Variants in KIF7 observed in about 807,000 individuals in gnomAD.
KIF7 encodes kinesin-like protein KIF7.
In KIF7, 104 loss-of-function variants were observed where a neutral mutation model predicts 135.7. The observed-to-expected ratio is 0.77, with a 90% CI of 0.65 to 0.90. The LOEUF is 0.90. Among genes scored for constraint, KIF7 ranks in the 40% least tolerant of loss-of-function variants. The probability of loss-of-function intolerance (pLI) is 0.00; values close to 1 mark genes in which losing one functional copy is unlikely to be tolerated. For missense variants in KIF7, 2,005 were observed against 1,839.1 expected (o/e 1.09, Z -1.65); for synonymous variants, 883 against 809.4 (o/e 1.09, Z -1.54).
intron 7 of KIF7, 74 bp from the exon 8 acceptor site, chr15:89,646,100 A>C (rs766815743): frequency 1.6e-4 from 253 of 1,568,040 alleles, no homozygotes; most frequent in Non-Finnish European, 2.1e-4. Flanking sequence ...CCCTCCTCAT[A>C]TCTCTCCCTC....
chr15:89,619,688 C>G, intron 1 of KIF7: 1 of 1,595,216 alleles, frequency 6.3e-7, no homozygotes, highest in South Asian at 1.2e-5. Flanking sequence ...TGGTTACTTA[C>G]TGTGGTTCTG....
At chr15:89,623,556 T>G, downstream of KIF7, 12 of 1,468,534 alleles carry the variant, frequency 8.2e-6, no homozygotes, top group Non-Finnish European at 1.1e-5. Context: ...TCTTAGAGAT[T>G]ACTAAAACAC....
At chr15:89,633,409 T>C in intron 12 of KIF7, 143 bp from the exon 13 acceptor site, 1 of 1,159,058 alleles carries the variant, frequency 8.6e-7, no homozygotes, top group Non-Finnish European at 1.2e-6. Context: ...CCCACACAAA[T>C]CTCCCTGGAG....
chr15:89,649,097 T>C lies in KIF7; in HGVS notation c.800A>G (p.Glu267Gly). The C allele has an allele frequency of 6.5e-7, 1 of 1,547,792 alleles. No individual in the cohort carries two copies. Among genetic ancestry groups the C allele is most frequent in the Non-Finnish European group, 8.7e-7 (1 of 1,146,758 alleles). Reference protein sequence around the residue: ...ERVLKTGSTGERLKESIQINS... With the variant: ...ERVLKTGSTGGRLKESIQINS... ...GATCTGGATGCTCTCCTTGAGCCGCTCGCCGGTGCTGCCCGTCTTGAGCAC... is the reference window on the plus strand; with the variant it reads ...GATCTGGATGCTCTCCTTGAGCCGCCCGCCGGTGCTGCCCGTCTTGAGCAC... The change falls in exon 4 of 19, where the codon GAG becomes GGG. Residue 267 changes from glutamate to glycine, a missense_variant. Coordinates refer to ENST00000394412, the MANE Select transcript of KIF7 (RefSeq NM_198525.3).
chr15:89,630,174 T>G (rs1214802453), intron 16 of KIF7, 113 bp downstream of exon 16: 2 of 1,003,882 alleles, frequency 2.0e-6, no homozygotes, highest in African/African-American at 3.2e-5. Context: ...TTGGTCCTGA[T>G]TCTGTCCCCC....
In KIF7 at chr15:89,633,264, C is replaced by T; in HGVS notation, c.2595G>A (p.Glu865=). Residue 865 remains glutamate (E), a splice_region_variant and synonymous_variant, in exon 13 of 19, where the codon GAG becomes GAA. Coordinates refer to ENST00000394412, the MANE Select transcript of KIF7 (RefSeq NM_198525.3). ...GCTGTTGCTCATGCTTCAGCTCCAG[C>T]TCCTGGGTGAGGAGCTCAGTGGGCA... is the stretch of plus-strand genomic sequence containing the variant. ...EMSKRQHRVK[E]LELKHEQQQK... 1 of 1,566,384 alleles carries T rather than the reference C, an allele frequency of 6.4e-7. No individual in the cohort carries two copies. The highest frequency in any genetic ancestry group is 8.6e-7 in the Non-Finnish European group (1 of 1,159,000).
At chr15:89,624,566 A>T, downstream of KIF7, 1 of 1,613,286 alleles carries the variant, frequency 6.2e-7, no homozygotes. Flanking sequence ...GCCCCCACAG[A>T]CTCTAGAGAT....
chr15:89,626,022 C>T, downstream of KIF7: 1 of 1,613,826 alleles, frequency 6.2e-7, no homozygotes, highest in East Asian at 2.2e-5. Flanking sequence ...GCTGCTGTTC[C>T]AGGGGAAAAC....
intron 1 of KIF7, among the ~76,000 whole-genome samples, chr15:89,621,801 T>G (rs1390594749): frequency 6.6e-6 from 1 of 152,130 alleles, no homozygotes; most frequent in African/African-American, 2.4e-5. Context: ...CTCTTGGCTT[T>G]GTCTACTGTT....
Position 89,629,866 on chromosome 15 carries a change from T to TC in KIF7, c.3319-294dup, listed in dbSNP as rs575932117. The TC allele has an allele frequency of 9.7e-4, 535 of 549,736 alleles. 7 individuals are homozygous for TC. In the South Asian group the frequency reaches 0.011, roughly 12 times the overall value. The allele number at this position is 549,736 out of a possible 1,614,324, so 34.1% of individuals were successfully genotyped here. A position where few individuals can be genotyped will look rare whatever the true frequency, so the allele number is the denominator to read the frequency against. ...TTGTGGGATTTCATCTAGACCAACC[T>TC]CAGCACTATGGACATCTGGGACCAG... is the stretch of plus-strand genomic sequence containing the variant. On this transcript the variant is annotated intron_variant, in intron 16 of 18. Transcript: ENST00000394412.
intron 1 of KIF7, among the ~76,000 whole-genome samples, chr15:89,620,943 C>G (rs1050867350): frequency 6.6e-6 from 1 of 151,346 alleles, no homozygotes; most frequent in Non-Finnish European, 1.5e-5. Context: ...AGGATAGTCT[C>G]GATCTCCGAC....
rs1439765788 is a variant in KIF7, at chr15:89,648,780, G to T, written c.924-6C>A. 2.8e-5 allele frequency: 43 copies of T among 1,529,880 alleles called. 1 individual carries two copies. The South Asian group carries it at 4.9e-4, about 17-fold the overall frequency. The allele number at this position is 1,529,880 out of a possible 1,614,324, so 94.8% of individuals were successfully genotyped here. A position where few individuals can be genotyped will look rare whatever the true frequency, so the allele number is the denominator to read the frequency against. On this transcript the variant is annotated splice_region_variant and splice_polypyrimidine_tract_variant and intron_variant, in intron 4 of 18. Coordinates refer to ENST00000394412, the MANE Select transcript of KIF7 (RefSeq NM_198525.3). ...CCAGCGAGTCTTTGAGGATCCTGAG[G>T]GCGCGAGGGGGAGGCTCTCAGGGGC... is the stretch of plus-strand genomic sequence containing the variant.
At chr15:89,619,953 G>A (rs1333602500) in intron 1 of KIF7, 1 of 1,316,492 alleles carries the variant, frequency 7.6e-7, no homozygotes. Context: ...TGGAGAAGTA[G>A]AATAGGTATG....
chr15:89,623,338 G>A (rs986907326), downstream of KIF7, among the ~76,000 whole-genome samples: 2 of 152,236 alleles, frequency 1.3e-5, no homozygotes, highest in African/African-American at 4.8e-5. Flanking sequence ...GTGGTAGAAT[G>A]ATTCCATTAG....
intron 1 of KIF7, among the ~76,000 whole-genome samples, chr15:89,621,001 G>A (rs1169137666): frequency 1.3e-5 from 2 of 151,364 alleles, no homozygotes; most frequent in African/African-American, 2.4e-5. Context: ...GATTACAGGC[G>A]TGAGCCACTG....
intron 8 of KIF7, among the ~76,000 whole-genome samples, chr15:89,645,657 T>A (rs1963998881): frequency 6.6e-6 from 1 of 152,116 alleles, no homozygotes; most frequent in Non-Finnish European, 1.5e-5. Flanking sequence ...AGGGCCACCC[T>A]GGAGGCTGAA....
intron 2 of KIF7, among the ~76,000 whole-genome samples, chr15:89,650,607 C>A (rs1206191988): frequency 6.6e-6 from 1 of 152,190 alleles, no homozygotes; most frequent in South Asian, 2.1e-4. Flanking sequence ...TTGGCCAGGC[C>A]GGTCTCAAAC....
chr15:89,649,399 C>G lies in KIF7; in HGVS notation c.530-32G>C, dbSNP rs555422844. 7.7e-5 allele frequency: 111 copies of G among 1,445,526 alleles called. No homozygotes were observed. In the East Asian group the frequency reaches 2.0e-3, roughly 26 times the overall value. The allele number at this position is 1,445,526 out of a possible 1,614,324, so 89.5% of individuals were successfully genotyped here. A position where few individuals can be genotyped will look rare whatever the true frequency, so the allele number is the denominator to read the frequency against. ...GCACAGAAGGCCGTGAGCCCCAGGG[C>G]AGGGGCCGCCAGACTGACCAGCCAG... On this transcript the variant is annotated intron_variant, in intron 3 of 18. Coordinates refer to ENST00000394412, the MANE Select transcript of KIF7 (RefSeq NM_198525.3).
rs1486763102 is a variant in KIF7 at position 89,638,020 on chromosome 15, G to A, written c.2395-4137C>T. Among the ~76,000 whole-genome samples the A allele has an allele frequency of 9.4e-5, 10 of 106,648 alleles. 1 individual carries two copies. Among genetic ancestry groups the A allele is most frequent in the Admixed American group, 2.6e-4 (3 of 11,482 alleles). 70.0% of individuals were successfully genotyped at this position (106,648 alleles called of 152,430 possible). Reference sequence around the variant, plus strand: ...GGGATGCAAGGCTGGTTCAATATACGCAAATCAATAAATGTAATCCAGCAT... The same window carrying A: ...GGGATGCAAGGCTGGTTCAATATACACAAATCAATAAATGTAATCCAGCAT... On this transcript the variant is annotated intron_variant, in intron 11 of 18. Coordinates refer to ENST00000394412, the MANE Select transcript of KIF7 (RefSeq NM_198525.3).
Sources: gnomAD v4.1 joint callset for allele counts (sites outside exome capture counted in the v4.1 genomes callset) on GRCh38, gnomAD v4.1.1 for gene constraint, MANE v1.5 for transcripts, NCBI Gene and HGNC (gene_info 2026-07-23, HGNC 2026-07-21) for gene names.